The following DNAH5 variants were observed in gnomAD, a reference collection of about 807,000 sequenced individuals.
DNAH5 encodes axonemal beta dynein heavy chain 5.
DNAH5 carries 372 observed loss-of-function variants against 518.2 expected under a neutral mutation model. That is an observed-to-expected ratio of 0.72 (90% CI 0.66 to 0.78). The LOEUF (loss-of-function observed/expected upper bound fraction) is 0.78, where lower values mean the gene tolerates loss of function less well. Ranked by LOEUF, DNAH5 falls within the 30% of genes least tolerant of loss-of-function variation. DNAH5 has a pLI of 0.00. For synonymous variants in DNAH5, 2,039 were observed against 2,025.9 expected, an observed-to-expected ratio of 1.01 and a Z score of -0.17; for missense variants, 5,523 against 5,687.0, an observed-to-expected ratio of 0.97 and a Z score of 0.93.
chr5:13,976,826 A>T (rs937761366), intron 1 of DNAH5, among the ~76,000 whole-genome samples: 1 of 152,058 alleles, frequency 6.6e-6, no homozygotes, highest in Non-Finnish European at 1.5e-5. Flanking sequence ...GGATTACTGT[A>T]TTCATGCAAT....
Position 13,727,614 on chromosome 5 carries a change from C to T in DNAH5, c.11926G>A (p.Glu3976Lys). ...GGAAGAGGTTCCTCCTCCGGGTTTT[C>T]CTTATCAAACCAAATTTTCCACATT... ...EKMWKIWFDK[E>K]NPEEEPLPNA... is the part of the protein sequence containing the mutation. Residue 3976 changes from glutamate (E) to lysine (K), a missense_variant, in exon 70 of 79, where the codon GAA (glutamate) becomes AAA (lysine). This residue lies in a region of DNAH5 where 5,121 missense variants were observed against 5,223.3 expected (regional missense o/e 0.98). Coordinates refer to ENST00000265104, the MANE Select transcript of DNAH5 (RefSeq NM_001369.3). 1 of 1,613,790 alleles carries T rather than the reference C, an allele frequency of 6.2e-7. No individual in the cohort carries two copies. Among genetic ancestry groups the T allele is most frequent in the Non-Finnish European group, 8.5e-7 (1 of 1,179,820 alleles).
chr5:13,987,305 A>T lies in DNAH5; in HGVS notation c.12+24343T>A, dbSNP rs186932910. On this transcript the variant is annotated intron_variant, in intron 1 of 78. Transcript: ENST00000681290. ...TCTTGGTTAAAATGAGGTCTATGGT[A>T]CACTCAGACACTGAATATAGTAGAG... Among the ~76,000 whole-genome samples the T allele has an allele frequency of 4.1e-3, 617 of 152,174 alleles. 4 individuals carry two copies. Among genetic ancestry groups the T allele is most frequent in the African/African-American group, 0.014 (581 of 41,496 alleles).
At position 13,776,653 on chromosome 5, in the gene DNAH5, T is replaced by C; in HGVS notation, c.9159A>G (p.Ala3053=). 6.2e-7 allele frequency: 1 copy of C among 1,613,882 alleles called. No individual in the cohort carries two copies. Among genetic ancestry groups the C allele is most frequent in the East Asian group, 2.2e-5 (1 of 44,874 alleles). The change falls in exon 55 of 79, where the codon GCA becomes GCG. Residue 3053 remains alanine, a synonymous_variant. Coordinates refer to ENST00000265104, the MANE Select transcript of DNAH5 (RefSeq NM_001369.3). ...DEIDEINSDL[A]SVMKKEFPRC... ...TGGGGAATTCTTTTTTCATGACTGA[T>C]GCCAGGTCGCTATTAATTTCATCAA...
At chr5:13,979,178 C>G (rs2152064764) in intron 1 of DNAH5, among the ~76,000 whole-genome samples, 1 of 152,192 alleles carries the variant, frequency 6.6e-6, no homozygotes, top group Non-Finnish European at 1.5e-5. Flanking sequence ...CAATGGCCTC[C>G]CCTATATGTA....
intron 1 of DNAH5, among the ~76,000 whole-genome samples, chr5:13,964,464 C>T (rs1781400002): frequency 6.6e-6 from 1 of 152,196 alleles, no homozygotes; most frequent in Admixed American, 6.5e-5. Context: ...GAGGATCAGG[C>T]TCAGAAACTA....
Position 13,714,901 on chromosome 5 carries a change from A to G in DNAH5, c.12910-281T>C, listed in dbSNP as rs1037452990. Among the ~76,000 whole-genome samples the G allele has an allele frequency of 5.7e-4, 87 of 152,356 alleles. 1 individual carries two copies. The highest frequency in any genetic ancestry group is 3.5e-3 in the Admixed American group (54 of 15,298). ...TGTCTTGTTATAAAATATGTGAGAT[A>G]GAAAGGGAGCTGTGGATTGGTGTTT... On this transcript the variant is annotated intron_variant, in intron 74 of 78. Coordinates refer to ENST00000265104, the MANE Select transcript of DNAH5 (RefSeq NM_001369.3).
At chr5:13,875,274 C>T (rs1770720803) in intron 22 of DNAH5, among the ~76,000 whole-genome samples, 1 of 152,060 alleles carries the variant, frequency 6.6e-6, no homozygotes, top group African/African-American at 2.4e-5. Context: ...TTGAGACCAG[C>T]TTGACCAACA....
rs758196264 is a variant in DNAH5, at chr5:13,891,051, T to G, written c.2502A>C (p.Glu834Asp). Residue 834 changes from glutamate (E) to aspartate (D), a missense_variant, in exon 17 of 79, where the codon GAA becomes GAC. Physicochemically the swap from Glu to Asp is conservative, Grantham distance 45. This residue lies in a region of DNAH5 where 5,121 missense variants were observed against 5,223.3 expected (regional missense o/e 0.98). Coordinates refer to ENST00000265104, the MANE Select transcript of DNAH5 (RefSeq NM_001369.3). ...IEFRIDAILE[E>D]MSSTPLCQLP... ...GCTGACAAAGAGGCGTGCTGCTCAT[T>G]TCTTCTAGAATGGCATCAATGCGGA... 7 of 1,614,068 alleles carry G rather than the reference T, an allele frequency of 4.3e-6. No homozygotes were observed. In the Admixed American group the frequency reaches 1.0e-4, roughly 23 times the overall value.
chr5:13,776,920 G>A (rs183635861), intron 54 of DNAH5, among the ~76,000 whole-genome samples: 62 of 152,214 alleles, frequency 4.1e-4, no homozygotes, highest in African/African-American at 1.1e-3. Context: ...AGGAGTAAAT[G>A]GACATGCCAA....
In DNAH5 at chr5:13,704,477, A is replaced by G. The variant is rs189772067; in HGVS notation, c.13339-3041T>C. Among the ~76,000 whole-genome samples the G allele has an allele frequency of 2.1e-4, 32 of 152,312 alleles. 1 individual carries two copies. The highest frequency in any genetic ancestry group is 7.5e-4 in the African/African-American group (31 of 41,570). On this transcript the variant is annotated intron_variant, in intron 76 of 78. Transcript: ENST00000265104. ...GCAGATGGAAGCCACTTTGTTCAAT[A>G]TCAGCTTTATCAGTAAATGTTCTCT... is the stretch of plus-strand genomic sequence containing the variant.
rs552920517 is a variant in DNAH5 at position 13,977,763 on chromosome 5, G to A, written c.12+33885C>T. Among the ~76,000 whole-genome samples the A allele has an allele frequency of 3.7e-4, 56 of 152,282 alleles. No individual in the cohort carries two copies. The South Asian group carries it at 0.011, about 30-fold the overall frequency. Reference sequence around the variant, plus strand: ...GATCCAACTGTACCTGGACACATCTGGACATGAGAGATGAGCAGGGGAAGT... The same window carrying A: ...GATCCAACTGTACCTGGACACATCTAGACATGAGAGATGAGCAGGGGAAGT... On this transcript the variant is annotated intron_variant, in intron 1 of 78. Coordinates refer to the DNAH5 transcript ENST00000681290.
intron 26 of DNAH5, 103 bp from the exon 27 acceptor site, chr5:13,866,009 C>G (rs1420931947): frequency 8.5e-6 from 8 of 944,442 alleles, no homozygotes; most frequent in Non-Finnish European, 1.0e-5. Flanking sequence ...GATGTATGAT[C>G]TCTGGGCACA....
chr5:13,964,943 A>C (rs1257704183), intron 1 of DNAH5, among the ~76,000 whole-genome samples: 1 of 152,188 alleles, frequency 6.6e-6, no homozygotes, highest in Non-Finnish European at 1.5e-5. Context: ...TTCAATGTCC[A>C]AAACATACCA....
At position 13,720,948 on chromosome 5, in the gene DNAH5, T is replaced by A. The variant is rs373429871; in HGVS notation, c.12279+52A>T. 931 of 1,612,960 alleles carry A rather than the reference T, an allele frequency of 5.8e-4. 6 individuals are homozygous for A. The Middle Eastern group carries it at 6.9e-3, about 12-fold the overall frequency. On this transcript the variant is annotated intron_variant, in intron 71 of 78. Coordinates refer to ENST00000265104, the MANE Select transcript of DNAH5 (RefSeq NM_001369.3). ...ATATTTTTCTTCTGCATTGCTATTC[T>A]ATAACCTGTAATATGAACAGCATGG...
At chr5:13,740,780 T>C (rs1452304081) in intron 65 of DNAH5, among the ~76,000 whole-genome samples, 1 of 152,158 alleles carries the variant, frequency 6.6e-6, no homozygotes, top group Non-Finnish European at 1.5e-5. Context: ...AATGTCACAT[T>C]CTCAGTAAGC....
intron 78 of DNAH5, among the ~76,000 whole-genome samples, chr5:13,697,859 C>G (rs1741577074): frequency 6.6e-6 from 1 of 152,202 alleles, no homozygotes; most frequent in Non-Finnish European, 1.5e-5. Flanking sequence ...CTCAATATTT[C>G]TCACAGAACT....
intron 46 of DNAH5, among the ~76,000 whole-genome samples, chr5:13,808,804 C>CA (rs1253458475): frequency 7.2e-5 from 11 of 151,882 alleles, no homozygotes; most frequent in Non-Finnish European, 1.6e-4. Context: ...CTAATAAATA[C>CA]AAAAAATTAG....
chr5:13,897,061 T>C (rs1774001628), intron 15 of DNAH5, among the ~76,000 whole-genome samples: 1 of 152,214 alleles, frequency 6.6e-6, no homozygotes, highest in African/African-American at 2.4e-5. Flanking sequence ...ACAGCTAATA[T>C]TAATGATTCT....
intron 70 of DNAH5, among the ~76,000 whole-genome samples, chr5:13,722,354 T>G (rs1157759331): frequency 6.6e-6 from 1 of 152,234 alleles, no homozygotes; most frequent in Non-Finnish European, 1.5e-5. Flanking sequence ...TATCCCCTAT[T>G]CATCCTCAAA....
Sources: allele counts gnomAD v4.1 joint callset (sites outside exome capture counted in the v4.1 genomes callset), GRCh38; gene constraint gnomAD v4.1.1; regional missense constraint gnomAD v4.1.1; transcripts MANE v1.5; gene names NCBI Gene and HGNC (gene_info 2026-07-23, HGNC 2026-07-21).